Variants in GALNT15 observed in about 807,000 individuals in gnomAD.
The protein encoded by GALNT15 is polypeptide N-acetylgalactosaminyltransferase 15.
A neutral mutation model predicts 66.8 loss-of-function variants in GALNT15; 67 were observed. That is an observed-to-expected ratio of 1.00 (90% CI 0.82 to 1.23). GALNT15 has a LOEUF of 1.23. Among genes scored for constraint, GALNT15 ranks in the 50% most tolerant of loss-of-function variants. The pLI is 0.00. For synonymous variants in GALNT15, 313 were observed against 311.5 expected (o/e 1.00, Z -0.05); for missense variants, 827 against 804.3 (o/e 1.03, Z -0.34).
intron 8 of GALNT15, 61 bp from the exon 9 acceptor site, chr3:16,222,554 C>T (rs1016658770): frequency 1.3e-5 from 21 of 1,606,446 alleles, no homozygotes; most frequent in African/African-American, 2.7e-5. Context: ...TTCTTACCTC[C>T]TCTACAGCTT....
the GALNT15 span, among the ~76,000 whole-genome samples, chr3:16,237,324 G>A: frequency 1.3e-5 from 2 of 152,134 alleles, no homozygotes; most frequent in African/African-American, 2.4e-5. This position sits in a 1 kb window ranked among gnomAD's most constrained non-coding sequence, Gnocchi z 4.2. Context: ...GCCAAGCCTA[G>A]GGTGCCTCCT....
At chr3:16,232,657 C>T (rs979408388), downstream of GALNT15, among the ~76,000 whole-genome samples, 3 of 150,368 alleles carry the variant, frequency 2.0e-5, no homozygotes, top group African/African-American at 7.3e-5. Context: ...AGAGCAGAGG[C>T]AAAGGTGGGA....
chr3:16,198,544 T>C (rs2063664625), intron 2 of GALNT15, among the ~76,000 whole-genome samples: 1 of 141,794 alleles, frequency 7.1e-6, no homozygotes, highest in South Asian at 2.3e-4. Flanking sequence ...TTTAGCAATG[T>C]TAAAGCCAAT....
rs1253091968 is a variant in GALNT15 at position 16,209,370 on chromosome 3, A to C, written c.1079+700A>C. Among the ~76,000 whole-genome samples the C allele has an allele frequency of 6.6e-6, 1 of 152,216 alleles. No individual in the cohort carries two copies. Among genetic ancestry groups the C allele is most frequent in the African/African-American group, 2.4e-5 (1 of 41,462 alleles). Reference sequence around the variant, plus strand: ...TAAAGTTTCCCAACACTATAAAGCCAGTGAGAGGTGAATCCAGAATTTAAA... The same window carrying C: ...TAAAGTTTCCCAACACTATAAAGCCCGTGAGAGGTGAATCCAGAATTTAAA... On this transcript the variant is annotated intron_variant, in intron 4 of 9. Transcript: ENST00000339732. The surrounding 1 kb of genome is among the most constrained non-coding windows in gnomAD (Gnocchi z 4.1).
rs987703139 is a variant in GALNT15, at chr3:16,195,575, GAGAT to G, written c.540-182_540-179del. Among the ~76,000 whole-genome samples the G allele has an allele frequency of 3.7e-4, 57 of 152,316 alleles. No homozygotes were observed. The highest frequency in any genetic ancestry group is 1.3e-3 in the African/African-American group (56 of 41,574). ...GGAGCTCTTGAGATCTGAGAATTGG[GAGAT>G]AGTAGACAGCACCACTATGAGGCGT... On this transcript the variant is annotated intron_variant, in intron 1 of 9. Coordinates refer to ENST00000339732, the MANE Select transcript of GALNT15 (RefSeq NM_054110.5). This position sits in a 1 kb window ranked among gnomAD's most constrained non-coding sequence, Gnocchi z 4.6.
Position 16,193,411 on chromosome 3 carries a change from AT to A in GALNT15, c.540-2342del, listed in dbSNP as rs1219207722. Among the ~76,000 whole-genome samples the A allele has an allele frequency of 6.6e-6, 1 of 152,020 alleles. No individual in the cohort carries two copies. Among genetic ancestry groups the A allele is most frequent in the African/African-American group, 2.4e-5 (1 of 41,380 alleles). On this transcript the variant is annotated intron_variant, in intron 1 of 9. Transcript: ENST00000339732. The surrounding 1 kb of genome is among the most constrained non-coding windows in gnomAD (Gnocchi z 4.7). ...CATTTTAAGTATTTGTATTGTGTGT[AT>A]TTTTTTGTGAGTGGCTTCAAATCAT...
chr3:16,196,415 G>A (rs2063638446), intron 2 of GALNT15, among the ~76,000 whole-genome samples: 1 of 152,136 alleles, frequency 6.6e-6, no homozygotes. Context: ...GCCCAGAGAA[G>A]ACAGCAGACT....
rs1559684977 is a variant in GALNT15, at chr3:16,204,879, T to A, written c.912-3624T>A. 1.3e-5 allele frequency among the ~76,000 whole-genome samples: 2 copies of A among 152,196 alleles called. No homozygotes were observed. The highest frequency in any genetic ancestry group is 2.4e-5 in the African/African-American group (1 of 41,454). ...AAAGCAGTGTAAGAACCCCTTGTGC[T>A]TGTGCATGTGAGTCAGTGTGTGTGT... On this transcript the variant is annotated intron_variant, in intron 3 of 9. Coordinates refer to ENST00000339732, the MANE Select transcript of GALNT15 (RefSeq NM_054110.5). The surrounding 1 kb of genome is among the most constrained non-coding windows in gnomAD (Gnocchi z 4.5).
chr3:16,234,984 G>A (rs1187060607), downstream of GALNT15, among the ~76,000 whole-genome samples: 1 of 149,082 alleles, frequency 6.7e-6, no homozygotes, highest in South Asian at 2.1e-4. Flanking sequence ...GTGCAGTGGT[G>A]CGATCCCAGC....
rs931695465 is a variant in GALNT15 at position 16,180,373 on chromosome 3, G to T, written c.539+4683G>T. On this transcript the variant is annotated intron_variant, in intron 1 of 9. Coordinates refer to ENST00000339732, the MANE Select transcript of GALNT15 (RefSeq NM_054110.5). The surrounding 1 kb of genome is among the most constrained non-coding windows in gnomAD (Gnocchi z 5.0). ...CAGTCAAATTCAGCAGGTCAGGAGG[G>T]CAGCCTCAGATGCTCCATTTCTATC... Among the ~76,000 whole-genome samples the T allele has an allele frequency of 6.6e-6, 1 of 152,218 alleles. No individual in the cohort carries two copies. The highest frequency in any genetic ancestry group is 2.4e-5 in the African/African-American group (1 of 41,472).
chr3:16,215,022 T>C (rs550712390), intron 6 of GALNT15, among the ~76,000 whole-genome samples: 53 of 152,336 alleles, frequency 3.5e-4, no homozygotes, highest in African/African-American at 1.3e-3. Context: ...TGGCACAGAC[T>C]GCATTTGTAA....
the GALNT15 span, among the ~76,000 whole-genome samples, chr3:16,242,400 G>C: frequency 1.3e-5 from 2 of 152,122 alleles, no homozygotes; most frequent in African/African-American, 4.8e-5. The surrounding 1 kb of genome is among the most constrained non-coding windows in gnomAD (Gnocchi z 5.6). Flanking sequence ...TCTGTGACCA[G>C]GAGCTTGGGA....
downstream of GALNT15, chr3:16,231,779 TC>T: frequency 2.6e-6 from 4 of 1,530,978 alleles, no homozygotes; most frequent in Non-Finnish European, 3.5e-6. This position sits in a 1 kb window ranked among gnomAD's most constrained non-coding sequence, Gnocchi z 4.1. Context: ...CCTCCCTCTC[TC>T]CTTCTCTCTC....
chr3:16,176,209 C>T lies in GALNT15; in HGVS notation c.539+519C>T, dbSNP rs2730352. On this transcript the variant is annotated intron_variant, in intron 1 of 9. Coordinates refer to ENST00000339732, the MANE Select transcript of GALNT15 (RefSeq NM_054110.5). This position sits in a 1 kb window ranked among gnomAD's most constrained non-coding sequence, Gnocchi z 5.6. ...TTACATTTAGGGGGCTCTTCCCATG[C>T]GTCTGGATTTACTTTACAAGCTTTT... Among the ~76,000 whole-genome samples the T allele has an allele frequency of 0.95, 145,278 of 152,344 alleles. 69,345 individuals are homozygous for T. Among genetic ancestry groups the T allele is most frequent in the East Asian group, 1 (5,191 of 5,196 alleles).
Position 16,204,201 on chromosome 3 carries a change from G to C in GALNT15, c.911+3378G>C, listed in dbSNP as rs561157052. 2.0e-5 allele frequency among the ~76,000 whole-genome samples: 3 copies of C among 152,214 alleles called. No homozygotes were observed. Among genetic ancestry groups the C allele is most frequent in the African/African-American group, 7.2e-5 (3 of 41,530 alleles). ...TTTGTTCCCTGTCCCTGCCTAGCAG[G>C]TTCCCACTAGCCATGTGGCAACTTT... is the stretch of plus-strand genomic sequence containing the variant. On this transcript the variant is annotated intron_variant, in intron 3 of 9. Coordinates refer to ENST00000339732, the MANE Select transcript of GALNT15 (RefSeq NM_054110.5). This position sits in a 1 kb window ranked among gnomAD's most constrained non-coding sequence, Gnocchi z 4.5.
chr3:16,182,325 G>A lies in GALNT15; in HGVS notation c.539+6635G>A, dbSNP rs1009751983. Among the ~76,000 whole-genome samples the A allele has an allele frequency of 4.6e-5, 7 of 152,124 alleles. No homozygotes were observed. The highest frequency in any genetic ancestry group is 9.7e-5 in the African/African-American group (4 of 41,418). ...CCACTCACATTAGAACCAATGAGTC[G>A]TCATGTCAAGGCTCCAAAGCAGACC... is the stretch of plus-strand genomic sequence containing the variant. On this transcript the variant is annotated intron_variant, in intron 1 of 9. Transcript: ENST00000339732. The surrounding 1 kb of genome is among the most constrained non-coding windows in gnomAD (Gnocchi z 6.1).
rs1365840427 is a variant in GALNT15, at chr3:16,180,714, AG to A, written c.539+5025del. ...ACTAGAGTCAGAAAATAGAAAAGAG[AG>A]CAGAGAGGAACAGGCTCCCTCATGG... On this transcript the variant is annotated intron_variant, in intron 1 of 9. Coordinates refer to ENST00000339732, the MANE Select transcript of GALNT15 (RefSeq NM_054110.5). This position sits in a 1 kb window ranked among gnomAD's most constrained non-coding sequence, Gnocchi z 5.0. Among the ~76,000 whole-genome samples, 4 of 152,180 alleles carry A rather than the reference AG, an allele frequency of 2.6e-5. No individual in the cohort carries two copies. The highest frequency in any genetic ancestry group is 1.3e-4 in the Admixed American group (2 of 15,268).
chr3:16,233,113 T>TTTTTTTTTTTTTTTTG (rs71064272), downstream of GALNT15, among the ~76,000 whole-genome samples: 1 of 139,260 alleles, frequency 7.2e-6, no homozygotes, highest in Admixed American at 7.2e-5. Flanking sequence ...TTTTTTTTTT[T>TTTTTTTTTTTTTTTTG]GAAACGGAGT....
intron 6 of GALNT15, among the ~76,000 whole-genome samples, chr3:16,216,501 G>GA (rs11377669): frequency 0.72 from 104,353 of 144,070 alleles, 38,006 homozygotes; most frequent in South Asian, 0.84. Context: ...TCTGTCTCGG[G>GA]AAAAAAAAAA....
Sources: gnomAD v4.1 joint callset for allele counts (sites outside exome capture counted in the v4.1 genomes callset) on GRCh38, gnomAD v4.1.1 for gene constraint, Gnocchi (gnomAD v3.1) non-coding constraint, MANE v1.5 for transcripts, NCBI Gene and HGNC (gene_info 2026-07-23, HGNC 2026-07-21) for gene names.